The following ATG10 variants were observed in gnomAD, a reference collection of about 807,000 sequenced individuals.
ATG10 encodes the protein ubiquitin-like-conjugating enzyme ATG10.
In ATG10, 30 loss-of-function variants were observed where a neutral mutation model predicts 32.1. That is an observed-to-expected ratio of 0.94 (90% CI 0.70 to 1.27). ATG10 has a LOEUF of 1.27. ATG10 is among the 50% of genes most tolerant of loss of function. The pLI is 0.00. For missense variants in ATG10, 233 were observed against 262.3 expected, an observed-to-expected ratio of 0.89 and a Z score of 0.77; for synonymous variants, 87 against 91.5, an observed-to-expected ratio of 0.95 and a Z score of 0.28.
At chr5:82,243,190 G>A (rs1478861095) in intron 5 of ATG10, among the ~76,000 whole-genome samples, 1 of 151,832 alleles carries the variant, frequency 6.6e-6, no homozygotes, top group Non-Finnish European at 1.5e-5. Flanking sequence ...AAGAGAAAAA[G>A]CAGTGAGAAA....
intron 3 of ATG10, among the ~76,000 whole-genome samples, chr5:82,131,603 C>T (rs1766526270): frequency 6.7e-6 from 1 of 149,762 alleles, no homozygotes; most frequent in African/African-American, 2.4e-5. Flanking sequence ...AAGAATCCAA[C>T]TTATGGAGGA....
intron 3 of ATG10, among the ~76,000 whole-genome samples, chr5:82,110,855 T>C (rs1345343594): frequency 6.6e-6 from 1 of 152,024 alleles, no homozygotes; most frequent in Non-Finnish European, 1.5e-5. Flanking sequence ...ATAAAAAATA[T>C]TAAAATCCTT....
chr5:82,248,227 G>A (rs1457115127), intron 5 of ATG10, among the ~76,000 whole-genome samples: 4 of 152,186 alleles, frequency 2.6e-5, no homozygotes, highest in African/African-American at 9.7e-5. Flanking sequence ...TTAAATTACT[G>A]GTAGTTTGCT....
chr5:82,139,744 C>G (rs1766983601), intron 3 of ATG10, among the ~76,000 whole-genome samples: 1 of 139,142 alleles, frequency 7.2e-6, no homozygotes, highest in African/African-American at 2.7e-5. Flanking sequence ...GGCCAGCCGC[C>G]CCGTCCGGGA....
chr5:82,113,027 G>A (rs1765666636), intron 3 of ATG10, among the ~76,000 whole-genome samples: 1 of 151,890 alleles, frequency 6.6e-6, no homozygotes, highest in African/African-American at 2.4e-5. Flanking sequence ...GAAGTAAGAA[G>A]CTAGGTTTGT....
intron 5 of ATG10, among the ~76,000 whole-genome samples, chr5:82,248,426 C>T (rs183396460): frequency 6.6e-6 from 1 of 152,184 alleles, no homozygotes; most frequent in Non-Finnish European, 1.5e-5. Context: ...TCTGGTAAAA[C>T]TTCTGTTGAT....
intron 2 of ATG10, among the ~76,000 whole-genome samples, chr5:82,031,880 C>T (rs892621070): frequency 6.6e-6 from 1 of 152,254 alleles, no homozygotes; most frequent in Non-Finnish European, 1.5e-5. Context: ...GCTAACTATT[C>T]TACCTGTTGG....
intron 3 of ATG10, among the ~76,000 whole-genome samples, chr5:82,107,099 T>C (rs1026695990): frequency 2.0e-5 from 3 of 152,186 alleles, no homozygotes; most frequent in South Asian, 2.1e-4. Flanking sequence ...ATTTAACCTC[T>C]TATGTTCCTA....
intron 5 of ATG10, 33 bp downstream of exon 5, chr5:82,178,620 G>A: frequency 7.3e-7 from 1 of 1,373,104 alleles, no homozygotes; most frequent in Non-Finnish European, 1.0e-6. Flanking sequence ...TTGTATGCAT[G>A]TTATTGTATT....
intron 5 of ATG10, among the ~76,000 whole-genome samples, chr5:82,221,035 G>A (rs1371920080): frequency 6.6e-6 from 1 of 152,184 alleles, no homozygotes; most frequent in Non-Finnish European, 1.5e-5. Context: ...GGGATGACAG[G>A]CATGAGCCAC....
intron 5 of ATG10, among the ~76,000 whole-genome samples, chr5:82,183,128 AC>A (rs1481433566): frequency 6.6e-6 from 1 of 151,918 alleles, no homozygotes; most frequent in Non-Finnish European, 1.5e-5. Flanking sequence ...CTCAAAAAAA[AC>A]ATAACCACAA....
At chr5:82,236,161 T>C (rs1284089144) in intron 5 of ATG10, among the ~76,000 whole-genome samples, 1 of 152,174 alleles carries the variant, frequency 6.6e-6, no homozygotes, top group African/African-American at 2.4e-5. Flanking sequence ...GGTTGTTCAG[T>C]CTTATCATCA....
intron 2 of ATG10, among the ~76,000 whole-genome samples, chr5:82,003,212 A>T (rs1169822754): frequency 6.6e-6 from 1 of 152,246 alleles, no homozygotes. Context: ...ATTAGTAGAA[A>T]ATCAAAGAAA....
At chr5:82,227,108 T>TA (rs1746162358) in intron 5 of ATG10, among the ~76,000 whole-genome samples, 1 of 152,108 alleles carries the variant, frequency 6.6e-6, no homozygotes, top group Non-Finnish European at 1.5e-5. Flanking sequence ...TTAAAGGAAT[T>TA]AATTTTCAGA....
intron 3 of ATG10, among the ~76,000 whole-genome samples, chr5:82,120,144 C>T (rs1185137052): frequency 1.3e-5 from 2 of 152,234 alleles, no homozygotes; most frequent in East Asian, 3.9e-4. Context: ...ACTTTACTCC[C>T]ACTGCATGAT....
intron 3 of ATG10, among the ~76,000 whole-genome samples, chr5:82,161,246 A>G (rs780625558): frequency 1.3e-5 from 2 of 152,220 alleles, no homozygotes; most frequent in South Asian, 4.1e-4. Flanking sequence ...ATGACTGCCC[A>G]GAGCAACACT....
chr5:81,986,143 C>T (rs926667708), intron 1 of ATG10, among the ~76,000 whole-genome samples: 5 of 151,678 alleles, frequency 3.3e-5, no homozygotes, highest in African/African-American at 1.2e-4. Context: ...CTCCTGACCT[C>T]GTAATCCGCC....
At chr5:82,039,562 C>G (rs1033701048) in intron 2 of ATG10, among the ~76,000 whole-genome samples, 1 of 152,044 alleles carries the variant, frequency 6.6e-6, no homozygotes, top group African/African-American at 2.4e-5. Flanking sequence ...CGGTTGTAAT[C>G]AAACTGTAAT....
chr5:81,993,372 T>C (rs796979306), intron 2 of ATG10, among the ~76,000 whole-genome samples: 955 of 51,160 alleles, frequency 0.019, 43 homozygotes, highest in African/African-American at 0.066. Context: ...TCTTTTCTTT[T>C]CTTTTCTTTT....
Sources: allele counts gnomAD v4.1 joint callset (sites outside exome capture counted in the v4.1 genomes callset), GRCh38; gene constraint gnomAD v4.1.1; transcripts MANE v1.5; gene names NCBI Gene and HGNC (gene_info 2026-07-23, HGNC 2026-07-21).